PDZRN4: variants seen among roughly 807,000 people sequenced by gnomAD.
PDZRN4 encodes the protein PDZ domain-containing RING finger protein 4.
In PDZRN4, 70 loss-of-function variants were observed where a neutral mutation model predicts 99.0. The observed-to-expected ratio is 0.71, with a 90% CI of 0.58 to 0.86. The LOEUF (loss-of-function observed/expected upper bound fraction) is 0.86. PDZRN4 is among the 40% of genes least tolerant of loss of function. PDZRN4 has a pLI of 0.00. For missense variants in PDZRN4, 1,474 were observed against 1,331.2 expected (o/e 1.11, Z -1.67); for synonymous variants, 551 against 501.6 (o/e 1.10, Z -1.32).
chr12:41,322,967 G>A (rs191934633), intron 3 of PDZRN4, among the ~76,000 whole-genome samples: 87 of 151,732 alleles, frequency 5.7e-4, no homozygotes, highest in African/African-American at 2.1e-3. Context: ...ATATCTACTG[G>A]ATTGCTAGAG....
intron 3 of PDZRN4, among the ~76,000 whole-genome samples, chr12:41,445,523 A>G (rs1171509285): frequency 6.6e-6 from 1 of 152,134 alleles, no homozygotes; most frequent in African/African-American, 2.4e-5. Flanking sequence ...AGATTTTCAT[A>G]TATTGAATTT....
intron 3 of PDZRN4, among the ~76,000 whole-genome samples, chr12:41,480,984 T>TC (rs1937664067): frequency 6.6e-6 from 1 of 151,896 alleles, no homozygotes; most frequent in Non-Finnish European, 1.5e-5. Flanking sequence ...TTTTTTTTTT[T>TC]CTAATAGGCT....
intron 3 of PDZRN4, among the ~76,000 whole-genome samples, chr12:41,286,498 A>G (rs1274879661): frequency 6.6e-6 from 1 of 152,058 alleles, no homozygotes; most frequent in Non-Finnish European, 1.5e-5. Context: ...TGCATGATCA[A>G]CTGGGCACAC....
intron 3 of PDZRN4, among the ~76,000 whole-genome samples, chr12:41,390,303 A>G (rs1033296604): frequency 6.6e-6 from 1 of 152,106 alleles, no homozygotes; most frequent in African/African-American, 2.4e-5. Flanking sequence ...ATGAATATTA[A>G]TTGTTTCTTC....
intron 3 of PDZRN4, among the ~76,000 whole-genome samples, chr12:41,462,057 C>G (rs141157365): frequency 6.6e-6 from 1 of 152,274 alleles, no homozygotes; most frequent in Non-Finnish European, 1.5e-5. Flanking sequence ...TCTGATATGA[C>G]TATGCGATAT....
chr12:41,392,772 A>G (rs562538533), intron 3 of PDZRN4, among the ~76,000 whole-genome samples: 22 of 152,332 alleles, frequency 1.4e-4, no homozygotes, highest in African/African-American at 5.0e-4. Flanking sequence ...CTACATGTAC[A>G]GTAGAAAATG....
At chr12:41,424,117 T>C (rs1286399222) in intron 3 of PDZRN4, among the ~76,000 whole-genome samples, 1 of 152,204 alleles carries the variant, frequency 6.6e-6, no homozygotes, top group African/African-American at 2.4e-5. Flanking sequence ...AGCCCTACTC[T>C]GCTTTGTGAA....
chr12:41,544,975 C>G (rs1938920860), intron 5 of PDZRN4, among the ~76,000 whole-genome samples: 1 of 152,168 alleles, frequency 6.6e-6, no homozygotes, highest in Non-Finnish European at 1.5e-5. Flanking sequence ...ATAATGATAA[C>G]TGTGTTTAAG....
intron 7 of PDZRN4, among the ~76,000 whole-genome samples, chr12:41,561,448 A>G (rs1004807444): frequency 6.6e-6 from 1 of 151,760 alleles, no homozygotes; most frequent in Non-Finnish European, 1.5e-5. Context: ...CCCTCTGAGA[A>G]AGGCACTATT....
At chr12:41,453,866 A>G (rs926636750) in intron 3 of PDZRN4, among the ~76,000 whole-genome samples, 3 of 103,680 alleles carry the variant, frequency 2.9e-5, no homozygotes, top group East Asian at 2.4e-4. Context: ...TTTACGAAAC[A>G]GAGTTTCCTG....
At chr12:41,213,462 A>G (rs1220882497) in intron 3 of PDZRN4, among the ~76,000 whole-genome samples, 1 of 152,112 alleles carries the variant, frequency 6.6e-6, no homozygotes, top group Admixed American at 6.6e-5. Flanking sequence ...TTTAATAAAC[A>G]GTCATGAGCG....
At chr12:41,415,479 T>C (rs946765101) in intron 3 of PDZRN4, among the ~76,000 whole-genome samples, 2 of 151,892 alleles carry the variant, frequency 1.3e-5, no homozygotes, top group Non-Finnish European at 2.9e-5. Flanking sequence ...TACCCATATA[T>C]AAATAAAAAT....
chr12:41,334,222 A>G (rs1369376706), intron 3 of PDZRN4, among the ~76,000 whole-genome samples: 1 of 151,888 alleles, frequency 6.6e-6, no homozygotes, highest in African/African-American at 2.4e-5. Flanking sequence ...TCAGAACAGA[A>G]TTTTTCACAG....
At chr12:41,408,161 T>A (rs7133365) in intron 3 of PDZRN4, among the ~76,000 whole-genome samples, 75,328 of 152,052 alleles carry the variant, frequency 0.5, 19,334 homozygotes, top group African/African-American at 0.65. Context: ...AGAAAGCATG[T>A]TAAACTAAGA....
chr12:41,540,399 C>T (rs1481624431), intron 5 of PDZRN4, among the ~76,000 whole-genome samples: 1 of 152,118 alleles, frequency 6.6e-6, no homozygotes, highest in Non-Finnish European at 1.5e-5. Context: ...AATGTCTGAG[C>T]ATTGGGTATA....
At chr12:41,569,960 C>A (rs1939446157) in intron 9 of PDZRN4, among the ~76,000 whole-genome samples, 1 of 151,938 alleles carries the variant, frequency 6.6e-6, no homozygotes, top group African/African-American at 2.4e-5. Flanking sequence ...TGGTTACAAG[C>A]AAGAAAGTCC....
chr12:41,208,668 A>G (rs999143115), intron 3 of PDZRN4, among the ~76,000 whole-genome samples: 6 of 151,924 alleles, frequency 3.9e-5, no homozygotes, highest in Non-Finnish European at 8.8e-5. Context: ...TGTTTAATAA[A>G]AGCTTGAACC....
At chr12:41,530,384 C>T (rs1277987556) in intron 5 of PDZRN4, among the ~76,000 whole-genome samples, 1 of 152,040 alleles carries the variant, frequency 6.6e-6, no homozygotes, top group Non-Finnish European at 1.5e-5. Context: ...CAGTATGGTT[C>T]TTCTGAAACC....
In PDZRN4 at chr12:41,572,836, C is replaced by T. The variant is rs1411623376; in HGVS notation, c.2057C>T (p.Ala686Val). The T allele has an allele frequency of 6.2e-7, 1 of 1,614,082 alleles. No homozygotes were observed. The part of the protein sequence containing the change: ...IELECQNIMQ[A>V]HRLQKVTDQY... The stretch of plus-strand genomic sequence containing the variant: ...CTTGAGTGTCAGAATATCATGCAGG[C>T]TCACAGGCTCCAGAAAGTGACAGAC... Residue 686 changes from alanine (A) to valine (V), a missense_variant, in exon 10 of 10, where the codon GCT becomes GTT. Physicochemically the swap from Ala to Val is moderately conservative, Grantham distance 64 (BLOSUM62 0). Transcript: ENST00000402685.
Sources: gnomAD v4.1 joint callset for allele counts (sites outside exome capture counted in the v4.1 genomes callset) on GRCh38, gnomAD v4.1.1 for gene constraint, MANE v1.5 for transcripts, NCBI Gene and HGNC (gene_info 2026-07-23, HGNC 2026-07-21) for gene names.